The following ZNF568 variants were observed in gnomAD, a reference collection of about 807,000 sequenced individuals.
ZNF568 encodes zinc finger protein 568.
A neutral mutation model predicts 18.1 loss-of-function variants in ZNF568; 11 were observed. The ratio of observed to expected loss-of-function variants is 0.61; its 90% CI spans 0.38 to 1.00. The LOEUF is 1.00. Ranked by LOEUF, ZNF568 falls within the 50% of genes least tolerant of loss-of-function variation. The pLI is 0.01. For missense variants in ZNF568, 639 were observed against 768.2 expected, an observed-to-expected ratio of 0.83 and a Z score of 1.99; for synonymous variants, 213 against 246.6, an observed-to-expected ratio of 0.86 and a Z score of 1.28.
At chr19:36,948,657 G>A (rs923719770) in intron 6 of ZNF568, among the ~76,000 whole-genome samples, 15 of 42,572 alleles carry the variant, frequency 3.5e-4, no homozygotes, top group African/African-American at 2.0e-3. Flanking sequence ...TTTTGTTGTT[G>A]ATTTTTTTTT....
Position 36,936,566 on chromosome 19 carries a change from G to A in ZNF568, c.136-180G>A, listed in dbSNP as rs527758307. On this transcript the variant is annotated intron_variant, in intron 4 of 6. Coordinates refer to ENST00000333987, the MANE Select transcript of ZNF568 (RefSeq NM_198539.4). ...GCTTCTTGAATGTATAATGTTTTTT[G>A]TCAGATTTGGGAAATGTCCAACCAT... The A allele has an allele frequency of 4.2e-5, 20 of 480,074 alleles. No homozygotes were observed. The South Asian group carries it at 1.0e-3, about 24-fold the overall frequency. The allele number at this position is 480,074 out of a possible 1,614,324, so 29.7% of individuals were successfully genotyped here. A position where few individuals can be genotyped will look rare whatever the true frequency, so the allele number is the denominator to read the frequency against.
chr19:36,978,437 T>C (rs1002181350), intron 7 of ZNF568, among the ~76,000 whole-genome samples: 6 of 152,168 alleles, frequency 3.9e-5, no homozygotes, highest in Admixed American at 3.3e-4. Context: ...CAGGGTGCAA[T>C]TGGTCTCCCT....
At chr19:36,997,834 GATTT>G, downstream of ZNF568, 1 of 486,872 alleles carries the variant, frequency 2.1e-6, no homozygotes, top group Non-Finnish European at 3.7e-6. Context: ...AATTAGCAGG[GATTT>G]ATTTATGTTT....
chr19:36,975,681 C>CTTTTTTTTTTTTTTTTTTTTTTT (rs1193440344), intron 7 of ZNF568, among the ~76,000 whole-genome samples: 2 of 75,778 alleles, frequency 2.6e-5, no homozygotes, highest in Non-Finnish European at 4.7e-5. Flanking sequence ...CGCGCCAAGA[C>CTTTTTTTTTTTTTTTTTTTTTTT]TTTTTTTTTT....
rs1431344830 is a variant in ZNF568 at position 36,932,505 on chromosome 19, A to G, written c.136-4241A>G. Among the ~76,000 whole-genome samples the G allele has an allele frequency of 2.6e-5, 4 of 152,250 alleles. No homozygotes were observed. In the South Asian group the frequency reaches 6.2e-4, roughly 24 times the overall value. On this transcript the variant is annotated intron_variant, in intron 4 of 6. Transcript: ENST00000333987. ...CTTGGGAAGCTGAGGCAGGAGAATC[A>G]CTTGAACCTGGTAGGCAGAGGTTGC...
At chr19:36,927,893 ATATATATATATTTTTTTTTTTTTTTTT>A (rs2073602197) in intron 4 of ZNF568, among the ~76,000 whole-genome samples, 15 of 25,304 alleles carry the variant, frequency 5.9e-4, no homozygotes, top group African/African-American at 3.0e-3. Flanking sequence ...TATATTATAT[ATATATATATATTTTTTTTTTTTTTTTT>A]TTTTTTTTTT....
chr19:36,937,853 C>G (rs10411251), intron 6 of ZNF568, among the ~76,000 whole-genome samples: 3 of 151,864 alleles, frequency 2.0e-5, no homozygotes, highest in Admixed American at 2.0e-4. Flanking sequence ...GAGGTCCATC[C>G]TTGGTTGAAA....
rs1343208400 is a variant in ZNF568, at chr19:36,959,787, G to C, written c.359-14633G>C. Reference sequence around the variant, plus strand: ...TTTCCCTAGGTTTTCTAGTTTGTCAGTATATAGCTGCTCGTAAGTCTCTGA... The same window carrying C: ...TTTCCCTAGGTTTTCTAGTTTGTCACTATATAGCTGCTCGTAAGTCTCTGA... On this transcript the variant is annotated intron_variant, in intron 6 of 7. Coordinates refer to the ZNF568 transcript ENST00000427117. 6.4e-4 allele frequency among the ~76,000 whole-genome samples: 97 copies of C among 152,116 alleles called. 2 individuals are homozygous for C. Among genetic ancestry groups the C allele is most frequent in the Admixed American group, 6.3e-3 (96 of 15,270 alleles).
At chr19:36,996,385 C>G (rs1035045905) in exon 5 of ZNF568, 13 of 1,536,036 alleles carry the variant, frequency 8.5e-6, no homozygotes, top group Admixed American at 2.0e-5. Flanking sequence ...TAGATCACCA[C>G]AACAGGAGAA....
chr19:36,949,904 G>A lies in ZNF568; in HGVS notation c.751G>A (p.Glu251Lys), dbSNP rs1354282494. The stretch of plus-strand genomic sequence containing the variant: ...AATTCATGCTGGAGAGAAACCTTAC[G>A]AATGTAAAGAATGTGGAAAAGCCTT... ...ERIHAGEKPY[E>K]CKECGKAFSR... The change falls in exon 7 of 7, where the codon GAA (glutamate) becomes AAA (lysine). Residue 251 changes from glutamate (E) to lysine (K), a missense_variant. Transcript: ENST00000333987. 6.2e-6 allele frequency: 10 copies of A among 1,613,578 alleles called. No individual in the cohort carries two copies. Among genetic ancestry groups the A allele is most frequent in the South Asian group, 1.1e-5 (1 of 91,034 alleles).
rs2074226327 is a variant in ZNF568 at position 36,970,247 on chromosome 19, T to C, written c.359-4173T>C. Among the ~76,000 whole-genome samples the C allele has an allele frequency of 2.4e-5, 3 of 127,494 alleles. 1 individual carries two copies. Among genetic ancestry groups the C allele is most frequent in the African/African-American group, 9.2e-5 (3 of 32,568 alleles). The allele number at this position is 127,494 out of a possible 152,430, so 83.6% of individuals were successfully genotyped here. A position where few individuals can be genotyped will look rare whatever the true frequency, so the allele number is the denominator to read the frequency against. On this transcript the variant is annotated intron_variant, in intron 6 of 7. Transcript: ENST00000427117. ...CTTTGACATAACTATATAAATTTTA[T>C]ACATTATTGAAATCAGCCTTTTATT...
chr19:36,927,897 ATATATATTTTTTTTTTT>A (rs2073604297), intron 4 of ZNF568, among the ~76,000 whole-genome samples: 2 of 24,738 alleles, frequency 8.1e-5, no homozygotes, highest in African/African-American at 5.0e-4. Flanking sequence ...TTATATATAT[ATATATATTTTTTTTTTT>A]TTTTTTTTTT....
chr19:36,947,642 T>A (rs934795859), intron 6 of ZNF568, among the ~76,000 whole-genome samples: 1 of 152,146 alleles, frequency 6.6e-6, no homozygotes, highest in African/African-American at 2.4e-5. Flanking sequence ...AATCCTCTTC[T>A]TTTTAGTCCC....
intron 3 of ZNF568, chr19:36,991,720 A>G (rs763122976): frequency 9.9e-6 from 15 of 1,517,738 alleles, no homozygotes; most frequent in Middle Eastern, 1.7e-4. Context: ...GACACCCACA[A>G]CAAAACCTTG....
intron 4 of ZNF568, among the ~76,000 whole-genome samples, chr19:36,927,202 T>A (rs2073570516): frequency 2.6e-5 from 4 of 152,192 alleles, no homozygotes. Flanking sequence ...TAGAATTCAG[T>A]CAAAATATGC....
At chr19:36,947,489 CA>C (rs1211806348) in intron 6 of ZNF568, among the ~76,000 whole-genome samples, 2 of 152,200 alleles carry the variant, frequency 1.3e-5, no homozygotes, top group African/African-American at 4.8e-5. Context: ...GGGAACTCTA[CA>C]TGCAGTTATG....
chr19:36,940,197 T>C (rs73612926), intron 6 of ZNF568, among the ~76,000 whole-genome samples: 5,997 of 152,312 alleles, frequency 0.039, 321 homozygotes, highest in African/African-American at 0.11. Context: ...ACTCTAGAAA[T>C]GACAGCATTG....
chr19:36,987,738 C>T (rs1196946096), intron 2 of ZNF568, among the ~76,000 whole-genome samples: 3 of 151,828 alleles, frequency 2.0e-5, no homozygotes, highest in African/African-American at 7.3e-5. Context: ...GTCTGTTATT[C>T]TATAGTTGGA....
chr19:36,966,350 A>G (rs1364720232), intron 6 of ZNF568, among the ~76,000 whole-genome samples: 1 of 151,824 alleles, frequency 6.6e-6, no homozygotes, highest in Non-Finnish European at 1.5e-5. Context: ...GCCTCAAACA[A>G]TCCTCCTGCC....
Sources: gnomAD v4.1 joint callset for allele counts (sites outside exome capture counted in the v4.1 genomes callset) on GRCh38, gnomAD v4.1.1 for gene constraint, MANE v1.5 for transcripts, NCBI Gene and HGNC (gene_info 2026-07-23, HGNC 2026-07-21) for gene names.